CCDC7: variants seen among roughly 807,000 people sequenced by gnomAD.
CCDC7 encodes the protein coiled-coil domain-containing protein 7.
Under a neutral mutation model 196.9 loss-of-function variants are expected in CCDC7, and 183 were observed. The ratio of observed to expected loss-of-function variants is 0.93; its 90% CI spans 0.82 to 1.05. The LOEUF (loss-of-function observed/expected upper bound fraction) is 1.05. CCDC7 is among the 50% of genes least tolerant of loss of function. The pLI is 0.00. For synonymous variants in CCDC7, 525 were observed against 484.6 expected (o/e 1.08, Z -1.10); for missense variants, 1,540 against 1,482.2 (o/e 1.04, Z -0.64).
chr10:32,654,893 A>G (rs12262887), intron 20 of CCDC7, among the ~76,000 whole-genome samples: 2,550 of 152,144 alleles, frequency 0.017, 75 homozygotes, highest in African/African-American at 0.058. Flanking sequence ...TAATTTCCCA[A>G]TTTTTCTTTT....
At chr10:32,615,188 A>G (rs900796450) in intron 18 of CCDC7, among the ~76,000 whole-genome samples, 3 of 152,180 alleles carry the variant, frequency 2.0e-5, no homozygotes, top group Admixed American at 6.6e-5. Context: ...CTTTGGGTAT[A>G]TATCCAATAG....
chr10:32,699,057 C>CTT (rs200445589), intron 24 of CCDC7, among the ~76,000 whole-genome samples: 3 of 151,446 alleles, frequency 2.0e-5, no homozygotes, highest in Non-Finnish European at 3.0e-5. Flanking sequence ...ATTAAACATT[C>CTT]TTTTTTTTTA....
At chr10:32,534,239 T>C (rs1431366000) in intron 11 of CCDC7, among the ~76,000 whole-genome samples, 1 of 152,190 alleles carries the variant, frequency 6.6e-6, no homozygotes, top group Non-Finnish European at 1.5e-5. Flanking sequence ...AGTTCCAAGA[T>C]TTGTTTGAGT....
At chr10:32,762,578 C>T (rs939135394) in intron 28 of CCDC7, among the ~76,000 whole-genome samples, 3 of 151,298 alleles carry the variant, frequency 2.0e-5, no homozygotes, top group African/African-American at 7.3e-5. Context: ...TTTCTGGTTT[C>T]AAATTGTATT....
At chr10:32,669,521 C>G in intron 21 of CCDC7, among the ~76,000 whole-genome samples, 1 of 152,118 alleles carries the variant, frequency 6.6e-6, no homozygotes, top group Middle Eastern at 3.4e-3. Context: ...CTTAGCTTTT[C>G]TTTAATAGAA....
chr10:32,725,959 A>C (rs2083061890), intron 25 of CCDC7, among the ~76,000 whole-genome samples: 1 of 152,190 alleles, frequency 6.6e-6, no homozygotes, highest in Admixed American at 6.6e-5. Flanking sequence ...AATATTATGC[A>C]AAAGATATCC....
At chr10:32,716,991 A>C (rs990250789) in intron 25 of CCDC7, among the ~76,000 whole-genome samples, 3 of 152,208 alleles carry the variant, frequency 2.0e-5, no homozygotes, top group Admixed American at 2.0e-4. Context: ...AAAATTAACA[A>C]GGATATTCAG....
chr10:32,758,491 CA>C (rs925073146), intron 28 of CCDC7, among the ~76,000 whole-genome samples: 5 of 152,094 alleles, frequency 3.3e-5, no homozygotes, highest in Non-Finnish European at 5.9e-5. Context: ...GAACCTAAGA[CA>C]AAAACCACAT....
intron 25 of CCDC7, among the ~76,000 whole-genome samples, chr10:32,720,799 CAGT>C (rs2082298080): frequency 6.6e-6 from 1 of 152,070 alleles, no homozygotes; most frequent in Non-Finnish European, 1.5e-5. Context: ...CCAAAATGCT[CAGT>C]AGTAGCTTCA....
At chr10:32,691,347 T>A (rs1224585666) in intron 23 of CCDC7, among the ~76,000 whole-genome samples, 2 of 152,062 alleles carry the variant, frequency 1.3e-5, no homozygotes, top group East Asian at 3.9e-4. Context: ...AGTGTCCTAC[T>A]TCAGATTCCA....
chr10:32,817,182 C>T (rs970771270), intron 31 of CCDC7, among the ~76,000 whole-genome samples: 29 of 152,052 alleles, frequency 1.9e-4, no homozygotes, highest in South Asian at 6.2e-4. Flanking sequence ...GAGAAGTACG[C>T]GACGTATGCA....
intron 28 of CCDC7, among the ~76,000 whole-genome samples, chr10:32,755,188 G>T (rs150063805): frequency 6.6e-6 from 1 of 152,144 alleles, no homozygotes; most frequent in Non-Finnish European, 1.5e-5. Context: ...CCACCTCTGG[G>T]GGCAGGGTAG....
chr10:32,602,266 C>G (rs1011263621), intron 18 of CCDC7, among the ~76,000 whole-genome samples: 2 of 151,906 alleles, frequency 1.3e-5, no homozygotes, highest in Non-Finnish European at 2.9e-5. Context: ...ACGAACCCAC[C>G]AGAAAGAAGA....
At chr10:32,584,252 A>G (rs1406135005) in exon 18 of CCDC7, 1 of 1,592,040 alleles carries the variant, frequency 6.3e-7, no homozygotes, top group African/African-American at 1.3e-5. Context: ...CAGAAGAACA[A>G]TTACAAAAGA....
chr10:32,678,346 G>T (rs1358685705), intron 21 of CCDC7, among the ~76,000 whole-genome samples: 2 of 152,052 alleles, frequency 1.3e-5, no homozygotes, highest in African/African-American at 4.8e-5. Context: ...ATTGATGTAC[G>T]TGCATTTAAA....
rs2076355022 is a variant in CCDC7, at chr10:32,685,403, GTTTTAGGC to G, written c.2123-560_2123-553del. Among the ~76,000 whole-genome samples the G allele has an allele frequency of 4.6e-5, 7 of 151,860 alleles. No individual in the cohort carries two copies. The South Asian group carries it at 1.5e-3, about 32-fold the overall frequency. ...TGTTGTTGTCATTCTGGTCTGTTTT[GTTTTAGGC>G]TTTTAGCAGCCCAAAGCCATGGTTT... On this transcript the variant is annotated intron_variant, in intron 21 of 41. Coordinates refer to ENST00000639629, the Ensembl canonical transcript of CCDC7.
chr10:32,705,063 C>T (rs939325929), intron 24 of CCDC7, among the ~76,000 whole-genome samples: 1 of 152,136 alleles, frequency 6.6e-6, no homozygotes, highest in Admixed American at 6.5e-5. Flanking sequence ...GAACCCGGCA[C>T]CTCAGTTGGA....
chr10:32,634,872 A>G (rs2065384614), intron 19 of CCDC7, among the ~76,000 whole-genome samples, 185 bp from the exon 21 acceptor site: 2 of 152,352 alleles, frequency 1.3e-5, no homozygotes, highest in African/African-American at 4.8e-5. Context: ...GTCAGTGACT[A>G]CCATGTAACA....
chr10:32,726,214 C>T (rs1592089753), intron 25 of CCDC7, among the ~76,000 whole-genome samples: 2 of 151,522 alleles, frequency 1.3e-5, no homozygotes, highest in East Asian at 3.9e-4. Context: ...TCTAGAAATC[C>T]CTCCATGTTA....
Sources: allele counts gnomAD v4.1 joint callset (sites outside exome capture counted in the v4.1 genomes callset), GRCh38; gene constraint gnomAD v4.1.1; transcripts MANE v1.5; gene names NCBI Gene and HGNC (gene_info 2026-07-23, HGNC 2026-07-21).